CACNA2D1: variants seen among roughly 807,000 people sequenced by gnomAD.
CACNA2D1 encodes the protein calcium voltage-gated channel auxiliary subunit alpha2delta 1.
Under a neutral mutation model 171.5 loss-of-function variants are expected in CACNA2D1, and 53 were observed. That is an observed-to-expected ratio of 0.31 (90% confidence interval 0.25 to 0.39). The LOEUF is 0.39. CACNA2D1 is among the 10% of genes least tolerant of loss of function. The pLI is 1.00. For missense variants in CACNA2D1, 903 were observed against 1,299.8 expected, an observed-to-expected ratio of 0.69 and a Z score of 4.69; for synonymous variants, 442 against 443.1, an observed-to-expected ratio of 1.00 and a Z score of 0.03.
In CACNA2D1 at chr7:81,947,736, A is replaced by G. The variant is rs1377153061; in HGVS notation, c.*2656T>C. On this transcript the variant is annotated 3_prime_UTR_variant, in exon 39 of 39. Coordinates refer to ENST00000356860, the MANE Select transcript of CACNA2D1 (RefSeq NM_000722.4). ...CAGGCTATAATTTAAGTTCTTGTCA[A>G]TGTAACTCAGAAAAATACTAAATGT... is the stretch of plus-strand genomic sequence containing the variant. 6.6e-6 allele frequency: 1 copy of G among 152,022 alleles called. No individual in the cohort carries two copies. The highest frequency in any genetic ancestry group is 2.4e-5 in the African/African-American group (1 of 41,544). 9.4% of individuals were successfully genotyped at this position (152,022 alleles called of 1,614,324 possible).
chr7:81,959,722 G>A lies in CACNA2D1; in HGVS notation c.3074C>T (p.Thr1025Ile). Residue 1025 changes from threonine to isoleucine, a missense_variant and splice_region_variant, in exon 37 of 39, where the codon ACT becomes ATT. This residue lies in a region of CACNA2D1 where 623 missense variants were observed against 925.5 expected (regional missense o/e 0.67). Coordinates refer to ENST00000356860, the MANE Select transcript of CACNA2D1 (RefSeq NM_000722.4). ...DTRLLIQAEQ[T>I]SDGPNPCDMV... ...ATAGCTCTGATGTCAAAGGATACAA[G>A]TCTGCTCCGCTTGTATGAGCAGTCG... 6.2e-7 allele frequency: 1 copy of A among 1,612,080 alleles called. No individual in the cohort carries two copies. The highest frequency in any genetic ancestry group is 8.5e-7 in the Non-Finnish European group (1 of 1,178,902).
intron 3 of CACNA2D1, among the ~76,000 whole-genome samples, chr7:82,320,390 A>G (rs1458579832): frequency 6.6e-6 from 1 of 152,048 alleles, no homozygotes; most frequent in African/African-American, 2.4e-5. Flanking sequence ...TGTTAAAAGG[A>G]AAACAAACAA....
At chr7:81,972,331 T>A (rs537990360) in intron 25 of CACNA2D1, among the ~76,000 whole-genome samples, 2 of 151,848 alleles carry the variant, frequency 1.3e-5, no homozygotes, top group South Asian at 4.1e-4. Flanking sequence ...AAAGTTACTG[T>A]CTACTTTCAC....
intron 1 of CACNA2D1, among the ~76,000 whole-genome samples, chr7:82,418,812 G>A (rs887192898): frequency 6.6e-6 from 1 of 152,088 alleles, no homozygotes; most frequent in African/African-American, 2.4e-5. Flanking sequence ...TAAAATTTCA[G>A]AGCCACATAT....
At chr7:82,123,873 A>T (rs1363395833) in intron 5 of CACNA2D1, among the ~76,000 whole-genome samples, 1 of 152,188 alleles carries the variant, frequency 6.6e-6, no homozygotes, top group Non-Finnish European at 1.5e-5. Context: ...TAGACTAGGT[A>T]GTATGCTTTA....
intron 7 of CACNA2D1, among the ~76,000 whole-genome samples, chr7:82,073,808 C>A (rs187998787): frequency 6.6e-6 from 1 of 152,004 alleles, no homozygotes; most frequent in African/African-American, 2.4e-5. Flanking sequence ...ATCATGTTGA[C>A]CAGGCTGGTC....
At chr7:82,116,176 G>A (rs1789016853) in intron 6 of CACNA2D1, among the ~76,000 whole-genome samples, 1 of 152,188 alleles carries the variant, frequency 6.6e-6, no homozygotes, top group East Asian at 1.9e-4. Flanking sequence ...GGAACGAGGT[G>A]CAGGATGGGG....
chr7:82,178,261 A>C (rs1422191349), intron 3 of CACNA2D1, among the ~76,000 whole-genome samples: 1 of 152,158 alleles, frequency 6.6e-6, no homozygotes, highest in Non-Finnish European at 1.5e-5. Context: ...CTTCAAATCT[A>C]ATCTTCAGAG....
At chr7:82,277,708 T>G (rs1319376213) in intron 3 of CACNA2D1, among the ~76,000 whole-genome samples, 1 of 132,960 alleles carries the variant, frequency 7.5e-6, no homozygotes, top group East Asian at 2.0e-4. Context: ...TTGAAGATTG[T>G]CATAAAAAAA....
intron 7 of CACNA2D1, 98 bp downstream of exon 7, chr7:82,084,671 T>C (rs759022082): frequency 1.7e-4 from 226 of 1,298,264 alleles, no homozygotes; most frequent in Non-Finnish European, 2.3e-4. Flanking sequence ...TAGTGTGATA[T>C]AGTCATATTT....
rs191203024 is a variant in CACNA2D1 at position 82,133,324 on chromosome 7, G to A, written c.396+3311C>T. ...GGCTCAGAAACTTTCACAAGTCAGT[G>A]AGCCTGAAAAAACATGGGTTTCCCA... is the stretch of plus-strand genomic sequence containing the variant. On this transcript the variant is annotated intron_variant, in intron 5 of 38. Transcript: ENST00000356860. 1.6e-3 allele frequency among the ~76,000 whole-genome samples: 250 copies of A among 152,198 alleles called. 3 individuals are homozygous for A. The highest frequency in any genetic ancestry group is 0.015 in the East Asian group (77 of 5,174).
chr7:82,332,826 C>T (rs907004901), intron 3 of CACNA2D1, among the ~76,000 whole-genome samples: 6 of 152,122 alleles, frequency 3.9e-5, no homozygotes, highest in African/African-American at 1.2e-4. Context: ...ATAGGGAGAC[C>T]TCATCTCTAC....
At chr7:81,955,978 ATATTTTTT>A (rs1172275970) in intron 38 of CACNA2D1, among the ~76,000 whole-genome samples, 30 of 49,224 alleles carry the variant, frequency 6.1e-4, no homozygotes, top group South Asian at 3.6e-3. Context: ...ATATATATAT[ATATTTTTT>A]TTTTTTTTTT....
intron 7 of CACNA2D1, among the ~76,000 whole-genome samples, chr7:82,081,339 TG>T (rs1809743042): frequency 2.0e-5 from 3 of 152,200 alleles, no homozygotes; most frequent in Non-Finnish European, 2.9e-5. Flanking sequence ...TGTGTTTTTG[TG>T]TTAAAAACAC....
intron 4 of CACNA2D1, among the ~76,000 whole-genome samples, chr7:82,142,493 C>T (rs941893477): frequency 2.0e-5 from 3 of 152,170 alleles, no homozygotes; most frequent in Non-Finnish European, 4.4e-5. Flanking sequence ...CTGAGGCACA[C>T]ATGCAAAGCT....
chr7:82,392,334 G>A lies in CACNA2D1; in HGVS notation c.96-42685C>T, dbSNP rs566845284. The stretch of plus-strand genomic sequence containing the variant: ...ACAGACCACCCAACTTCAGGTGGGG[G>A]GCCACCCTCATGTCCCCTTTCTGCT... On this transcript the variant is annotated intron_variant, in intron 1 of 38. Transcript: ENST00000356860. Among the ~76,000 whole-genome samples, 26 of 152,270 alleles carry A rather than the reference G, an allele frequency of 1.7e-4. No homozygotes were observed. The East Asian group carries it at 4.8e-3, about 28-fold the overall frequency.
intron 3 of CACNA2D1, among the ~76,000 whole-genome samples, chr7:82,216,751 G>A (rs1326084767): frequency 1.3e-5 from 2 of 151,848 alleles, no homozygotes; most frequent in Admixed American, 6.6e-5. Context: ...ATGAATCCAA[G>A]AGGAAAGACC....
intron 3 of CACNA2D1, among the ~76,000 whole-genome samples, chr7:82,178,704 C>A (rs773409186): frequency 4.6e-5 from 7 of 152,072 alleles, no homozygotes; most frequent in African/African-American, 1.2e-4. Context: ...AAGCACTGTT[C>A]TAAATAGCAA....
intron 18 of CACNA2D1, among the ~76,000 whole-genome samples, chr7:82,003,616 T>G (rs567572612): frequency 1.1e-4 from 16 of 150,178 alleles, no homozygotes; most frequent in Non-Finnish European, 2.2e-4. Flanking sequence ...TATATAGATA[T>G]ATATATATAA....
Sources: gnomAD v4.1 joint callset for allele counts (sites outside exome capture counted in the v4.1 genomes callset) on GRCh38, gnomAD v4.1.1 for gene constraint, gnomAD v4.1.1 regional missense constraint, MANE v1.5 for transcripts, NCBI Gene and HGNC (gene_info 2026-07-23, HGNC 2026-07-21) for gene names.